Variants in KIAA1671 observed in about 807,000 individuals in gnomAD.
KIAA1671 encodes the protein KIAA1671.
A neutral mutation model predicts 131.2 loss-of-function variants in KIAA1671; 52 were observed. The observed-to-expected ratio is 0.40, with a 90% confidence interval of 0.32 to 0.50. The LOEUF is 0.50. KIAA1671 is among the 20% of genes least tolerant of loss of function. KIAA1671 has a pLI of 0.73. For synonymous variants in KIAA1671, 1,003 were observed against 961.6 expected (o/e 1.04, Z -0.80); for missense variants, 2,360 against 2,364.2 (o/e 1.00, Z 0.04).
intron 1 of KIAA1671, among the ~76,000 whole-genome samples, chr22:24,959,875 C>A (rs1012257231): frequency 6.6e-6 from 1 of 151,688 alleles, no homozygotes; most frequent in Non-Finnish European, 1.5e-5. Context: ...CGGTGGCTCA[C>A]GCCTGTAATC....
At chr22:25,065,444 G>A (rs894759981) in intron 6 of KIAA1671, among the ~76,000 whole-genome samples, 1 of 151,982 alleles carries the variant, frequency 6.6e-6, no homozygotes, top group African/African-American at 2.4e-5. Context: ...ATAGGAATGC[G>A]GGCCACTTCT....
At chr22:24,996,394 T>C (rs1436812152) in intron 1 of KIAA1671, among the ~76,000 whole-genome samples, 1 of 152,124 alleles carries the variant, frequency 6.6e-6, no homozygotes, top group African/African-American at 2.4e-5. Context: ...CACGTTTCCT[T>C]ACAGCATGGC....
At chr22:25,045,004 C>CAAAT (rs1927145557) in intron 5 of KIAA1671, among the ~76,000 whole-genome samples, 1 of 151,932 alleles carries the variant, frequency 6.6e-6, no homozygotes, top group African/African-American at 2.4e-5. Flanking sequence ...ACTAAAACTA[C>CAAAT]AAAAAAATTA....
intron 6 of KIAA1671, among the ~76,000 whole-genome samples, chr22:25,168,170 G>A (rs912594195): frequency 9.9e-5 from 15 of 152,146 alleles, no homozygotes; most frequent in East Asian, 1.9e-4. Context: ...GCCCACCTCC[G>A]TTAACTAAGC....
At position 25,167,158 on chromosome 22, in the gene KIAA1671, C is replaced by T. The variant is rs549269424; in HGVS notation, c.4531-3662C>T. On this transcript the variant is annotated intron_variant, in intron 6 of 12. Coordinates refer to ENST00000358431, the MANE Select transcript of KIAA1671 (RefSeq NM_001145206.2). ...CCTCTGAGTATATCAGGTGACCTTG[C>T]CTTGCAAGGCAAAAACATAACACTC... Among the ~76,000 whole-genome samples, 136 of 152,308 alleles carry T rather than the reference C, an allele frequency of 8.9e-4. 1 individual carries two copies. Among genetic ancestry groups the T allele is most frequent in the African/African-American group, 3.2e-3 (134 of 41,566 alleles).
chr22:25,114,040 C>T (rs1248161317), intron 6 of KIAA1671, among the ~76,000 whole-genome samples: 1 of 152,250 alleles, frequency 6.6e-6, no homozygotes, highest in Admixed American at 6.5e-5. Flanking sequence ...GCGTCTTACC[C>T]TGTGTTACAG....
intron 6 of KIAA1671, chr22:25,060,694 G>A (rs919383783): frequency 7.2e-5 from 11 of 152,178 alleles, no homozygotes; most frequent in African/African-American, 2.4e-5. Context: ...CACAGGTGGG[G>A]GCTCAATCCA....
At chr22:25,096,034 G>A (rs1230399372) in intron 6 of KIAA1671, among the ~76,000 whole-genome samples, 2 of 152,192 alleles carry the variant, frequency 1.3e-5, no homozygotes, top group Non-Finnish European at 2.9e-5. Flanking sequence ...CCTGCCTGCC[G>A]CAGATGGTAG....
chr22:25,048,138 G>C (rs1460695624), intron 5 of KIAA1671, among the ~76,000 whole-genome samples: 1 of 152,238 alleles, frequency 6.6e-6, no homozygotes, highest in Admixed American at 6.5e-5. Flanking sequence ...GATGGGCAAG[G>C]TGTGGGAGGA....
rs545272561 is a variant in KIAA1671, at chr22:24,993,164, C to G, written c.-207-32469C>G. ...TGCTGACATGTGAGATGCTGTCCCC[C>G]CACCGGGAGTGGGAGACTCAGTGAG... On this transcript the variant is annotated intron_variant, in intron 1 of 12. Coordinates refer to ENST00000358431, the MANE Select transcript of KIAA1671 (RefSeq NM_001145206.2). Among the ~76,000 whole-genome samples the G allele has an allele frequency of 6.6e-5, 10 of 152,224 alleles. No individual in the cohort carries two copies. The South Asian group carries it at 1.7e-3, about 25-fold the overall frequency.
chr22:25,038,008 A>G lies in KIAA1671; in HGVS notation c.1630-752A>G, dbSNP rs369925227. Among the ~76,000 whole-genome samples the G allele has an allele frequency of 2.8e-4, 43 of 152,078 alleles. No homozygotes were observed. The East Asian group carries it at 7.4e-3, about 26-fold the overall frequency. On this transcript the variant is annotated intron_variant, in intron 4 of 12. Coordinates refer to ENST00000358431, the MANE Select transcript of KIAA1671 (RefSeq NM_001145206.2). ...CCGTGTGCCACGACACCCAGCTAGTATTTTTAGTAGAGAACGGGGTTTCAC... is the reference window on the plus strand; with the variant it reads ...CCGTGTGCCACGACACCCAGCTAGTGTTTTTAGTAGAGAACGGGGTTTCAC...
chr22:25,032,738 G>C, intron 4 of KIAA1671, 42 bp downstream of exon 4: 1 of 1,272,324 alleles, frequency 7.9e-7, no homozygotes, highest in Non-Finnish European at 1.1e-6. Flanking sequence ...TAACCAGCGG[G>C]CAGTTATGGC....
At chr22:24,989,536 C>G (rs888941415) in intron 1 of KIAA1671, among the ~76,000 whole-genome samples, 5 of 152,148 alleles carry the variant, frequency 3.3e-5, no homozygotes, top group African/African-American at 7.2e-5. Context: ...GCTAGGGCTG[C>G]ATGGTCTCTA....
intron 1 of KIAA1671, among the ~76,000 whole-genome samples, chr22:24,965,756 A>G (rs995685208): frequency 2.1e-4 from 32 of 151,850 alleles, no homozygotes; most frequent in South Asian, 1.0e-3. Context: ...AAAAAAAAAA[A>G]AAAAAGAAAA....
At chr22:24,991,772 T>C (rs1483267731) in intron 1 of KIAA1671, among the ~76,000 whole-genome samples, 2 of 152,048 alleles carry the variant, frequency 1.3e-5, no homozygotes, top group African/African-American at 4.8e-5. Context: ...AGTTTCCTCC[T>C]TTCTGACGTG....
chr22:25,177,462 G>C lies in KIAA1671; in HGVS notation c.5014G>C (p.Glu1672Gln). The C allele has an allele frequency of 1.9e-6, 3 of 1,551,756 alleles. No individual in the cohort carries two copies. Among genetic ancestry groups the C allele is most frequent in the Non-Finnish European group, 2.6e-6 (3 of 1,147,016 alleles). ...CCGGCGCAGCCGATTTAGTGAGTCC[G>C]AGAGCAGATCACCTTTGGAGGATGA... ...SLRRSRFSES[E>Q]SRSPLEDETD... The change falls in exon 9 of 13, where the codon GAG becomes CAG. Residue 1672 changes from glutamate to glutamine, a missense_variant. Physicochemically the swap from Glu to Gln is conservative, Grantham distance 29. Transcript: ENST00000358431.
At chr22:25,049,115 G>C in intron 5 of KIAA1671, 115 bp from the exon 6 acceptor site, 1 of 1,279,716 alleles carries the variant, frequency 7.8e-7, no homozygotes, top group Non-Finnish European at 1.1e-6. Flanking sequence ...ATTTCTGGGG[G>C]TTTAATTTTC....
intron 1 of KIAA1671, among the ~76,000 whole-genome samples, chr22:24,970,336 G>C (rs555104542): frequency 6.6e-6 from 1 of 152,206 alleles, no homozygotes; most frequent in Admixed American, 6.5e-5. Context: ...GCCAGAGAGA[G>C]GAAAGGGCTG....
intron 1 of KIAA1671, among the ~76,000 whole-genome samples, chr22:25,021,879 C>T (rs1012761180): frequency 3.9e-5 from 6 of 152,008 alleles, no homozygotes; most frequent in African/African-American, 1.4e-4. Flanking sequence ...CTCCACCTCC[C>T]GGGTTCACGC....
Sources: allele counts gnomAD v4.1 joint callset (sites outside exome capture counted in the v4.1 genomes callset), GRCh38; gene constraint gnomAD v4.1.1; transcripts MANE v1.5; gene names NCBI Gene and HGNC (gene_info 2026-07-23, HGNC 2026-07-21).